SAXO2: variants seen among roughly 807,000 people sequenced by gnomAD.
The protein encoded by SAXO2 is stabilizer of axonemal microtubules 2, also known as family with sequence similarity 154, member B.
SAXO2 carries 17 observed loss-of-function variants against 18.7 expected under a neutral mutation model. The ratio of observed to expected loss-of-function variants is 0.91; its 90% CI spans 0.62 to 1.36. SAXO2 has a LOEUF of 1.36. Among genes scored for constraint, SAXO2 ranks in the 40% most tolerant of loss-of-function variants. The probability of loss-of-function intolerance (pLI) is 0.00; values close to 1 mark genes in which losing one functional copy is unlikely to be tolerated. For synonymous variants in SAXO2, 163 were observed against 181.2 expected (o/e 0.90, Z 0.81); for missense variants, 486 against 562.6 (o/e 0.86, Z 1.38).
intron 2 of SAXO2, among the ~76,000 whole-genome samples, chr15:82,268,220 A>C (rs2075237964): frequency 1.3e-5 from 2 of 152,278 alleles, no homozygotes; most frequent in African/African-American, 4.8e-5. Context: ...ATTTGAAATA[A>C]ATTTTACAAT....
At chr15:82,270,250 A>T (rs1376816115) in intron 2 of SAXO2, among the ~76,000 whole-genome samples, 1 of 152,218 alleles carries the variant, frequency 6.6e-6, no homozygotes, top group Non-Finnish European at 1.5e-5. Flanking sequence ...GAGGAACGCT[A>T]ACATGTATTT....
rs1182274409 is a variant in SAXO2 at position 82,282,395 on chromosome 15, G to A, written c.710G>A (p.Arg237His). Residue 237 changes from arginine to histidine, a missense_variant, in exon 4 of 4, where the codon CGC becomes CAC. Transcript: ENST00000682753. ...PKEVYKPTDQ[R>H]FEDLTTHRCD... Reference sequence around the variant, plus strand: ...GAAGTTTACAAACCAACTGACCAACGCTTTGAGGATCTCACAACTCACCGG... The same window carrying A: ...GAAGTTTACAAACCAACTGACCAACACTTTGAGGATCTCACAACTCACCGG... The A allele has an allele frequency of 1.2e-6, 2 of 1,612,184 alleles. No homozygotes were observed. Among genetic ancestry groups the A allele is most frequent in the Non-Finnish European group, 1.7e-6 (2 of 1,178,722 alleles).
At chr15:82,266,074 GGAA>G (rs1871765294) in intron 2 of SAXO2, among the ~76,000 whole-genome samples, 1 of 151,730 alleles carries the variant, frequency 6.6e-6, no homozygotes, top group African/African-American at 2.4e-5. Context: ...GGGCCACATT[GGAA>G]GAAGAATTGT....
intron 3 of SAXO2, among the ~76,000 whole-genome samples, chr15:82,274,753 A>G (rs1242444955): frequency 6.6e-6 from 1 of 151,862 alleles, no homozygotes; most frequent in Admixed American, 6.6e-5. Context: ...GACACAACAT[A>G]CCAAAACTTC....
rs1300911917 is a variant in SAXO2, at chr15:82,282,182, C to T, written c.497C>T (p.Pro166Leu). Residue 166 changes from proline (P) to leucine (L), a missense_variant, in exon 4 of 4, where the codon CCG becomes CTG. Physicochemically the swap from Pro to Leu is moderately conservative, Grantham distance 98. Transcript: ENST00000682753. ...TATAAGCCAGAACAAACTTACCACC[C>T]GCCTACTGTGAAATTTGGAAATTCA... ...ELYKPEQTYH[P>L]PTVKFGNSTT... is the part of the protein sequence containing the mutation. The T allele has an allele frequency of 5.0e-6, 8 of 1,613,838 alleles. No homozygotes were observed. Among genetic ancestry groups the T allele is most frequent in the Middle Eastern group, 1.6e-4 (1 of 6,080 alleles).
Position 82,272,565 on chromosome 15 carries a change from A to G in SAXO2, c.433+763A>G, listed in dbSNP as rs146860258. ...GTTGTTTTTGGGTTTTTTTTGTGACAGAGTCTCGTTCTGTCACCCAGGCTG... is the reference window on the plus strand; with the variant it reads ...GTTGTTTTTGGGTTTTTTTTGTGACGGAGTCTCGTTCTGTCACCCAGGCTG... On this transcript the variant is annotated intron_variant, in intron 3 of 3. Transcript: ENST00000682753. Among the ~76,000 whole-genome samples the G allele has an allele frequency of 8.9e-3, 1,351 of 152,158 alleles. 11 individuals carry two copies. The highest frequency in any genetic ancestry group is 0.037 in the Middle Eastern group (11 of 294).
At chr15:82,277,344 AC>A (rs1194559098) in intron 3 of SAXO2, among the ~76,000 whole-genome samples, 1 of 152,186 alleles carries the variant, frequency 6.6e-6, no homozygotes, top group East Asian at 1.9e-4. Flanking sequence ...GATTTTTCAC[AC>A]ATTAAAAAGA....
chr15:82,270,647 C>T (rs1288927061), intron 2 of SAXO2, among the ~76,000 whole-genome samples: 3 of 152,190 alleles, frequency 2.0e-5, no homozygotes, highest in East Asian at 1.9e-4. Flanking sequence ...AAATGAGTCA[C>T]GTGTCAATAG....
chr15:82,281,104 A>G (rs945096081), intron 3 of SAXO2, among the ~76,000 whole-genome samples: 2 of 152,218 alleles, frequency 1.3e-5, no homozygotes, highest in African/African-American at 4.8e-5. Context: ...ATAAATTTCT[A>G]TCTTTTATAA....
At position 82,282,834 on chromosome 15, in the gene SAXO2, T is replaced by G. The variant is rs776667742; in HGVS notation, c.1149T>G (p.Tyr383Ter). 14 of 1,613,808 alleles carry G rather than the reference T, an allele frequency of 8.7e-6. No homozygotes were observed. The highest frequency in any genetic ancestry group is 1.1e-5 in the South Asian group (1 of 91,042). The change falls in exon 4 of 4, where the codon TAT (tyrosine) becomes TAG (stop). Residue 383 changes from tyrosine to a stop codon, truncating the protein, a stop_gained. Coordinates refer to ENST00000682753, the MANE Select transcript of SAXO2 (RefSeq NM_001348699.2). LOFTEE classifies it low-confidence loss of function (END_TRUNC). ...GTTTGAGCACTTTCAGATCTCACTA[T>G]GTGCCACATGAATTGATCCCAACAG... ...FDGLSTFRSH[Y>*]VPHELIPTES...
intron 3 of SAXO2, among the ~76,000 whole-genome samples, chr15:82,273,846 T>C (rs1441212592): frequency 6.6e-6 from 1 of 152,024 alleles, no homozygotes; most frequent in East Asian, 1.9e-4. Flanking sequence ...CAAGTAATTC[T>C]CCTGCCTCAG....
chr15:82,278,139 C>A (rs528614535), intron 3 of SAXO2, among the ~76,000 whole-genome samples: 1 of 152,252 alleles, frequency 6.6e-6, no homozygotes, highest in East Asian at 1.9e-4. Context: ...TGTATTGCAA[C>A]TTGATGAAAG....
intron 3 of SAXO2, among the ~76,000 whole-genome samples, chr15:82,273,536 A>C (rs1326911955): frequency 1.3e-5 from 2 of 152,122 alleles, no homozygotes; most frequent in African/African-American, 2.4e-5. Context: ...GGTCAAGAAA[A>C]TGTTTTTTCT....
Position 82,275,138 on chromosome 15 carries a change from C to G in SAXO2, c.433+3336C>G, listed in dbSNP as rs185542665. ...TCCTCAGAGAATATTATGAACTTCT[C>G]TAGGTACACAAATTAGAAAGTCTAG... On this transcript the variant is annotated intron_variant, in intron 3 of 3. Coordinates refer to ENST00000682753, the MANE Select transcript of SAXO2 (RefSeq NM_001348699.2). 1.3e-3 allele frequency among the ~76,000 whole-genome samples: 192 copies of G among 151,772 alleles called. 3 individuals carry two copies. The highest frequency in any genetic ancestry group is 2.4e-3 in the Non-Finnish European group (161 of 67,914).
intron 3 of SAXO2, among the ~76,000 whole-genome samples, chr15:82,277,977 C>T (rs1456349893): frequency 1.3e-5 from 2 of 151,682 alleles, no homozygotes; most frequent in African/African-American, 4.8e-5. Context: ...AAGTTTCCTT[C>T]ATAGTGCGGG....
At position 82,282,976 on chromosome 15, in the gene SAXO2, T is replaced by G; in HGVS notation, c.1291T>G (p.Ser431Ala). Residue 431 changes from serine (S) to alanine (A), a missense_variant, in exon 4 of 4, where the codon TCT becomes GCT. Physicochemically the swap from Ser to Ala is moderately conservative, Grantham distance 99. Transcript: ENST00000682753. ...RQEICPASYP[S>A]PPGYIFDNTN... The stretch of plus-strand genomic sequence containing the variant: ...GGAAATTTGCCCAGCCAGCTATCCC[T>G]CTCCTCCAGGTTATATTTTCGACAA... 6.2e-7 allele frequency: 1 copy of G among 1,614,048 alleles called. No individual in the cohort carries two copies. Among genetic ancestry groups the G allele is most frequent in the Non-Finnish European group, 8.5e-7 (1 of 1,180,000 alleles).
intron 3 of SAXO2, among the ~76,000 whole-genome samples, chr15:82,275,280 CCAAAAAAAAA>C (rs1340998848): frequency 4.6e-5 from 2 of 43,040 alleles, no homozygotes; most frequent in Admixed American, 3.9e-4. Flanking sequence ...AACCTATCAA[CCAAAAAAAAA>C]AAAAAAAAAA....
intron 3 of SAXO2, chr15:82,272,214 C>T (rs4238534): frequency 0.23 from 40,189 of 175,312 alleles, 5,065 homozygotes; most frequent in South Asian, 0.39. Context: ...TGCTTTTCTC[C>T]ATTCAAGTCC....
Position 82,282,947 on chromosome 15 carries a change from GAC to G in SAXO2, c.1264_1265del (p.Gln422GlyfsTer24), listed in dbSNP as rs899042543. The G allele has an allele frequency of 1.2e-6, 2 of 1,613,942 alleles. No individual in the cohort carries two copies. The highest frequency in any genetic ancestry group is 1.7e-5 in the Admixed American group (1 of 59,984). On this transcript the variant is annotated frameshift_variant, in exon 4 of 4. Transcript: ENST00000682753. LOFTEE classifies it high-confidence loss of function. ...TACTCTGTAGAGTACACACCGAAAA[GAC>G]AGGAAATTTGCCCAGCCAGCTATCC...
Sources: gnomAD v4.1 joint callset for allele counts (sites outside exome capture counted in the v4.1 genomes callset) on GRCh38, gnomAD v4.1.1 for gene constraint, MANE v1.5 for transcripts, NCBI Gene and HGNC (gene_info 2026-07-23, HGNC 2026-07-21) for gene names.